Variants in CUBN observed in about 807,000 individuals in gnomAD.
CUBN encodes cubilin.
CUBN carries 282 observed loss-of-function variants against 405.3 expected under a neutral mutation model. The ratio of observed to expected loss-of-function variants is 0.70; its 90% CI spans 0.63 to 0.77. The LOEUF is 0.77. Among genes scored for constraint, CUBN ranks in the 30% least tolerant of loss-of-function variants. The probability of loss-of-function intolerance (pLI) is 0.00; values close to 1 mark genes in which losing one functional copy is unlikely to be tolerated. For missense variants in CUBN, 4,514 were observed against 4,475.2 expected (o/e 1.01, Z -0.25); for synonymous variants, 1,684 against 1,617.0 (o/e 1.04, Z -0.99).
At chr10:16,902,445 C>G (rs146563383) in intron 51 of CUBN, among the ~76,000 whole-genome samples, 2 of 149,630 alleles carry the variant, frequency 1.3e-5, no homozygotes, top group Non-Finnish European at 3.0e-5. Context: ...AAATTCCATA[C>G]GGTATTAGCA....
intron 31 of CUBN, among the ~76,000 whole-genome samples, chr10:16,968,233 C>T (rs764342491): frequency 1.6e-4 from 24 of 151,930 alleles, no homozygotes; most frequent in East Asian, 3.8e-4. Context: ...GAGGATGCTG[C>T]GTTAGGTATC....
At chr10:16,956,256 T>C (rs1042305999) in intron 31 of CUBN, among the ~76,000 whole-genome samples, 5 of 152,106 alleles carry the variant, frequency 3.3e-5, no homozygotes, top group Non-Finnish European at 7.4e-5. Flanking sequence ...AATAATAAGT[T>C]TAAAACAAAT....
At position 17,044,899 on chromosome 10, in the gene CUBN, G is replaced by A. The variant is rs186151543; in HGVS notation, c.3672+108C>T. ...ATTTTGTTTGAATTTTTATATGGAT[G>A]TTCGGTTTAGATGCTCCCCTTTCCT... is the stretch of plus-strand genomic sequence containing the variant. On this transcript the variant is annotated intron_variant, in intron 25 of 66. Coordinates refer to ENST00000377833, the MANE Select transcript of CUBN (RefSeq NM_001081.4). 995 of 1,126,098 alleles carry A rather than the reference G, an allele frequency of 8.8e-4. 6 individuals carry two copies. In the African/African-American group the frequency reaches 0.014, roughly 15 times the overall value. 69.8% of individuals were successfully genotyped at this position (1,126,098 alleles called of 1,614,324 possible).
intron 22 of CUBN, among the ~76,000 whole-genome samples, chr10:17,061,648 CCCT>C (rs1835506547): frequency 6.6e-6 from 1 of 152,164 alleles, no homozygotes; most frequent in Non-Finnish European, 1.5e-5. Flanking sequence ...GGGAACCCTG[CCCT>C]GGGAAGGAGG....
intron 48 of CUBN, 115 bp from the exon 49 acceptor site, chr10:16,907,794 T>G: frequency 9.7e-7 from 1 of 1,030,088 alleles, no homozygotes; most frequent in African/African-American, 1.6e-5. Flanking sequence ...TGCCCCAAAA[T>G]GAATGACCTA....
intron 43 of CUBN, among the ~76,000 whole-genome samples, chr10:16,922,420 G>GTC (rs1842060783): frequency 6.6e-6 from 1 of 151,950 alleles, no homozygotes; most frequent in Non-Finnish European, 1.5e-5. Context: ...CTTTCATCTG[G>GTC]TCTCTCTCTC....
chr10:17,121,414 G>A (rs1462273265), intron 6 of CUBN, among the ~76,000 whole-genome samples: 1 of 151,862 alleles, frequency 6.6e-6, no homozygotes. Flanking sequence ...GATGAAGCTG[G>A]AAACCATCAT....
At chr10:16,843,022 T>C (rs1158866646) in intron 60 of CUBN, among the ~76,000 whole-genome samples, 2 of 152,178 alleles carry the variant, frequency 1.3e-5, no homozygotes, top group Non-Finnish European at 2.9e-5. Flanking sequence ...CATCATCCTG[T>C]TTTATTTTCC....
chr10:16,831,498 A>C, intron 64 of CUBN, 81 bp from the exon 65 acceptor site: 3 of 1,257,334 alleles, frequency 2.4e-6, no homozygotes, highest in Middle Eastern at 2.1e-4. Context: ...AATTTGAATG[A>C]TGACATTGGT....
At chr10:17,065,810 T>C (rs567832499) in intron 21 of CUBN, among the ~76,000 whole-genome samples, 172 bp from the exon 22 acceptor site, 1 of 152,284 alleles carries the variant, frequency 6.6e-6, no homozygotes, top group East Asian at 1.9e-4. Flanking sequence ...TTACGAAAGA[T>C]TGTCCCGTTC....
Position 16,936,251 on chromosome 10 carries a change from A to C in CUBN, c.5926+1341T>G, listed in dbSNP as rs140739639. On this transcript the variant is annotated intron_variant, in intron 39 of 66. Transcript: ENST00000377833. ...CTACCTTGAGGGTTGTAAATATAAA[A>C]GAAAGCTTAACTCAAGTTTATTTCT... 2.1e-3 allele frequency among the ~76,000 whole-genome samples: 319 copies of C among 152,340 alleles called. 3 individuals carry two copies. The highest frequency in any genetic ancestry group is 7.1e-3 in the African/African-American group (294 of 41,574).
chr10:16,967,186 T>G (rs1467394322), intron 31 of CUBN, among the ~76,000 whole-genome samples: 1 of 152,172 alleles, frequency 6.6e-6, no homozygotes, highest in Non-Finnish European at 1.5e-5. Context: ...AATTCAATAC[T>G]AAGTTCAATT....
At chr10:16,945,847 T>C (rs912089218) in intron 36 of CUBN, among the ~76,000 whole-genome samples, 1 of 151,192 alleles carries the variant, frequency 6.6e-6, no homozygotes, top group African/African-American at 2.4e-5. Flanking sequence ...CCTTTCGGCA[T>C]GCAGAGGGTG....
chr10:16,901,889 GTATATATA>G (rs67084462), intron 51 of CUBN, among the ~76,000 whole-genome samples: 9,496 of 108,868 alleles, frequency 0.087, 504 homozygotes, highest in Middle Eastern at 0.14. Context: ...ACCATATATA[GTATATATA>G]TATATATATA....
At chr10:17,090,826 T>TA (rs59564374) in intron 14 of CUBN, among the ~76,000 whole-genome samples, 33,264 of 93,946 alleles carry the variant, frequency 0.35, 5,082 homozygotes, top group African/African-American at 0.5. Context: ...AAATGTAAAG[T>TA]AAAAAAAAAA....
At chr10:16,888,650 A>G in intron 55 of CUBN, 84 bp from the exon 56 acceptor site, 1 of 1,151,896 alleles carries the variant, frequency 8.7e-7, no homozygotes, top group Non-Finnish European at 1.3e-6. Flanking sequence ...CATTTTCCTA[A>G]ATTATCTATA....
chr10:16,868,600 A>G (rs953797069), intron 59 of CUBN, among the ~76,000 whole-genome samples: 1 of 152,214 alleles, frequency 6.6e-6, no homozygotes, highest in Non-Finnish European at 1.5e-5. Flanking sequence ...GAATAGCCAA[A>G]CAGGTAATTG....
chr10:16,947,751 A>G (rs1842826129), intron 35 of CUBN, among the ~76,000 whole-genome samples: 1 of 152,230 alleles, frequency 6.6e-6, no homozygotes, highest in South Asian at 2.1e-4. Flanking sequence ...GAGCACCGAA[A>G]TGCACACACC....
intron 27 of CUBN, among the ~76,000 whole-genome samples, chr10:17,033,114 T>A (rs988748308): frequency 4.6e-5 from 7 of 152,106 alleles, no homozygotes; most frequent in African/African-American, 1.7e-4. Flanking sequence ...TCTGACCACA[T>A]CCTTGAAAGA....
Sources: allele counts gnomAD v4.1 joint callset (sites outside exome capture counted in the v4.1 genomes callset), GRCh38; gene constraint gnomAD v4.1.1; transcripts MANE v1.5; gene names NCBI Gene and HGNC (gene_info 2026-07-23, HGNC 2026-07-21).